The following GRIP1 variants were observed in gnomAD, a reference collection of about 807,000 sequenced individuals.
GRIP1 encodes the protein glutamate receptor-interacting protein 1.
In GRIP1, 45 loss-of-function variants were observed where a neutral mutation model predicts 129.9. That is an observed-to-expected ratio of 0.35 (90% confidence interval 0.27 to 0.44). GRIP1 has a LOEUF of 0.44. Ranked by LOEUF, GRIP1 falls within the 20% of genes least tolerant of loss-of-function variation. The pLI, the probability that GRIP1 is intolerant of heterozygous loss-of-function variation, is 1.00. For missense variants in GRIP1, 1,196 were observed against 1,396.8 expected, an observed-to-expected ratio of 0.86 and a Z score of 2.29; for synonymous variants, 530 against 520.8, an observed-to-expected ratio of 1.02 and a Z score of -0.24.
intron 1 of GRIP1, among the ~76,000 whole-genome samples, chr12:66,733,908 G>C (rs536575630): frequency 1.3e-5 from 2 of 152,264 alleles, no homozygotes; most frequent in Non-Finnish European, 2.9e-5. Context: ...ACATTTCAGA[G>C]GTAAGTGTGC....
intron 1 of GRIP1, among the ~76,000 whole-genome samples, chr12:66,733,559 G>A (rs1322807449): frequency 6.6e-6 from 1 of 152,092 alleles, no homozygotes; most frequent in Non-Finnish European, 1.5e-5. Context: ...CACATGTTAA[G>A]GATGTCCAAG....
chr12:67,003,070 T>C (rs944996573), intron 1 of GRIP1, among the ~76,000 whole-genome samples: 8 of 152,128 alleles, frequency 5.3e-5, no homozygotes, highest in Non-Finnish European at 1.2e-4. Flanking sequence ...ACACTGGCCT[T>C]CTTTCCTCCT....
chr12:66,730,441 C>T (rs1396383779), intron 1 of GRIP1, among the ~76,000 whole-genome samples: 1 of 152,062 alleles, frequency 6.6e-6, no homozygotes, highest in African/African-American at 2.4e-5. Context: ...TTGAAAAATG[C>T]ATCATTTATT....
intron 1 of GRIP1, among the ~76,000 whole-genome samples, chr12:66,771,501 T>C (rs1463779810): frequency 6.6e-6 from 1 of 152,220 alleles, no homozygotes. Context: ...TGTTGTTTAT[T>C]GCTATAGATC....
At chr12:66,526,667 A>G (rs1359936417) in intron 5 of GRIP1, among the ~76,000 whole-genome samples, 1 of 151,936 alleles carries the variant, frequency 6.6e-6, no homozygotes, top group African/African-American at 2.4e-5. Context: ...ACAAAAGCCA[A>G]AATTGACAAA....
chr12:67,003,885 C>T (rs1297569258), intron 1 of GRIP1, among the ~76,000 whole-genome samples: 1 of 152,144 alleles, frequency 6.6e-6, no homozygotes, highest in Non-Finnish European at 1.5e-5. Flanking sequence ...TATTCTCTCA[C>T]AGTTTTGGAG....
At chr12:66,617,919 G>A (rs2065114783) in intron 1 of GRIP1, among the ~76,000 whole-genome samples, 1 of 151,694 alleles carries the variant, frequency 6.6e-6, no homozygotes, top group South Asian at 2.1e-4. Flanking sequence ...ATTTCAGGTG[G>A]GAATATGATC....
intron 5 of GRIP1, among the ~76,000 whole-genome samples, chr12:66,528,808 T>C (rs1212472779): frequency 6.6e-6 from 1 of 152,202 alleles, no homozygotes; most frequent in Non-Finnish European, 1.5e-5. Flanking sequence ...TTTCCAGTTT[T>C]ATTATCATTC....
At chr12:66,495,704 G>C (rs1196570437) in intron 7 of GRIP1, among the ~76,000 whole-genome samples, 1 of 152,012 alleles carries the variant, frequency 6.6e-6, no homozygotes, top group East Asian at 1.9e-4. Context: ...CCAAGCTCCT[G>C]CTCTAATTTT....
At chr12:66,776,622 A>ATT (rs1281683393) in intron 1 of GRIP1, among the ~76,000 whole-genome samples, 1 of 152,220 alleles carries the variant, frequency 6.6e-6, no homozygotes, top group Non-Finnish European at 1.5e-5. Flanking sequence ...GTAAATACAG[A>ATT]GCAATATTTG....
intron 1 of GRIP1, among the ~76,000 whole-genome samples, chr12:66,688,248 G>C (rs944629361): frequency 1.3e-5 from 2 of 152,026 alleles, no homozygotes; most frequent in African/African-American, 4.8e-5. Flanking sequence ...TTAGATTCTT[G>C]ATCTGCAAAA....
At chr12:67,037,857 T>C (rs2135800314) in intron 1 of GRIP1, among the ~76,000 whole-genome samples, 1 of 152,352 alleles carries the variant, frequency 6.6e-6, no homozygotes. Flanking sequence ...TCTAGATTAC[T>C]TGAAAGTAGA....
chr12:67,026,202 C>T (rs7135250), intron 1 of GRIP1, among the ~76,000 whole-genome samples: 27,040 of 152,050 alleles, frequency 0.18, 2,944 homozygotes, highest in African/African-American at 0.3. Context: ...AAGCATTTTT[C>T]AAAAAGTTCT....
At chr12:66,680,598 T>A (rs979209268), upstream of GRIP1, among the ~76,000 whole-genome samples, 3 of 152,168 alleles carry the variant, frequency 2.0e-5, no homozygotes, top group East Asian at 5.8e-4. Context: ...TTCATCTCTA[T>A]TAGGTTATCC....
At chr12:67,056,125 T>C (rs2043431260) in intron 1 of GRIP1, among the ~76,000 whole-genome samples, 1 of 152,240 alleles carries the variant, frequency 6.6e-6, no homozygotes, top group African/African-American at 2.4e-5. Context: ...AGCCATACCA[T>C]GTCTATTCCA....
chr12:66,643,311 T>A (rs1287272125), intron 1 of GRIP1, among the ~76,000 whole-genome samples: 1 of 152,238 alleles, frequency 6.6e-6, no homozygotes, highest in Non-Finnish European at 1.5e-5. Context: ...TGTATCACAG[T>A]GGCAATAGTA....
chr12:66,848,026 G>C (rs1400480244), intron 1 of GRIP1, among the ~76,000 whole-genome samples: 1 of 152,094 alleles, frequency 6.6e-6, no homozygotes, highest in Non-Finnish European at 1.5e-5. Context: ...GTTACTAGGG[G>C]ATAGGACCAG....
At chr12:66,778,343 C>G (rs17102907) in intron 1 of GRIP1, among the ~76,000 whole-genome samples, 7,825 of 152,148 alleles carry the variant, frequency 0.051, 325 homozygotes, top group African/African-American at 0.11. Context: ...CAGTCATGAA[C>G]TAAAAACCAG....
intron 1 of GRIP1, among the ~76,000 whole-genome samples, chr12:66,881,939 A>T (rs2040485849): frequency 6.6e-6 from 1 of 152,190 alleles, no homozygotes; most frequent in African/African-American, 2.4e-5. Flanking sequence ...AGTATTTGAA[A>T]ATTTCCTTTC....
Sources: allele counts gnomAD v4.1 joint callset (sites outside exome capture counted in the v4.1 genomes callset), GRCh38; gene constraint gnomAD v4.1.1; transcripts MANE v1.5; gene names NCBI Gene and HGNC (gene_info 2026-07-23, HGNC 2026-07-21).